The following MYO6 variants were observed in gnomAD, a reference collection of about 807,000 sequenced individuals.
The protein encoded by MYO6 is myosin VI.
In MYO6, 74 loss-of-function variants were observed where a neutral mutation model predicts 178.7. The observed-to-expected ratio is 0.41, with a 90% CI of 0.34 to 0.50. The LOEUF (loss-of-function observed/expected upper bound fraction) is 0.50. Among genes scored for constraint, MYO6 ranks in the 20% least tolerant of loss-of-function variants. MYO6 has a pLI of 0.09. For synonymous variants in MYO6, 477 were observed against 504.6 expected (o/e 0.95, Z 0.73); for missense variants, 1,330 against 1,547.4 (o/e 0.86, Z 2.36).
intron 12 of MYO6, among the ~76,000 whole-genome samples, chr6:75,856,377 G>A (rs2149281006): frequency 6.6e-6 from 1 of 152,170 alleles, no homozygotes; most frequent in South Asian, 2.1e-4. Context: ...TCAAGAAAGG[G>A]TTCCATTGCA....
At chr6:75,815,608 TG>T (rs1405252601) in intron 1 of MYO6, among the ~76,000 whole-genome samples, 1 of 152,234 alleles carries the variant, frequency 6.6e-6, no homozygotes, top group Non-Finnish European at 1.5e-5. Context: ...TTTGTCAACT[TG>T]GAATTGTACA....
At chr6:75,884,403 G>A (rs910281261) in intron 23 of MYO6, among the ~76,000 whole-genome samples, 1 of 152,164 alleles carries the variant, frequency 6.6e-6, no homozygotes, top group South Asian at 2.1e-4. Context: ...TAGAACAAAT[G>A]TTGCCTAAGA....
intron 10 of MYO6, among the ~76,000 whole-genome samples, chr6:75,847,455 A>G (rs1774832910): frequency 6.6e-6 from 1 of 152,012 alleles, no homozygotes; most frequent in Admixed American, 6.6e-5. Context: ...TTCTAGTACA[A>G]TCTTTTCGTG....
At chr6:75,759,738 A>C (rs1777786847) in intron 1 of MYO6, among the ~76,000 whole-genome samples, 1 of 152,252 alleles carries the variant, frequency 6.6e-6, no homozygotes, top group Admixed American at 6.5e-5. Flanking sequence ...ATTGTGATAC[A>C]TCTGCAAAAT....
At chr6:75,796,473 G>T (rs1273579112) in intron 1 of MYO6, among the ~76,000 whole-genome samples, 1 of 151,882 alleles carries the variant, frequency 6.6e-6, no homozygotes, top group Non-Finnish European at 1.5e-5. Context: ...TACATGTACA[G>T]GTTTGTTACA....
At chr6:75,897,250 A>G (rs1335193906) in intron 29 of MYO6, among the ~76,000 whole-genome samples, 2 of 152,244 alleles carry the variant, frequency 1.3e-5, no homozygotes, top group Non-Finnish European at 2.9e-5. Flanking sequence ...AGAATTAAAC[A>G]TACTTATCAA....
At position 75,892,453 on chromosome 6, in the gene MYO6, T is replaced by G. The variant is rs1778972536; in HGVS notation, c.2947-77T>G. ...GTATGGGGGCAGTTATGCTTTCCCTTTATTTTAAGTAATAAGGGGAGTGAT... is the reference window on the plus strand; with the variant it reads ...GTATGGGGGCAGTTATGCTTTCCCTGTATTTTAAGTAATAAGGGGAGTGAT... On this transcript the variant is annotated intron_variant, in intron 27 of 34. Transcript: ENST00000369977. The G allele has an allele frequency of 3.8e-6, 6 of 1,595,054 alleles. No homozygotes were observed. In the East Asian group the frequency reaches 1.1e-4, roughly 30 times the overall value.
chr6:75,820,403 A>G (rs1166220959), intron 2 of MYO6, among the ~76,000 whole-genome samples: 2 of 151,796 alleles, frequency 1.3e-5, no homozygotes, highest in Admixed American at 1.3e-4. Flanking sequence ...GAGTTTTGCT[A>G]TTGTCGCCCA....
At chr6:75,809,914 A>T (rs951897829) in intron 1 of MYO6, among the ~76,000 whole-genome samples, 1 of 149,204 alleles carries the variant, frequency 6.7e-6, no homozygotes, top group Non-Finnish European at 1.5e-5. Flanking sequence ...AAAAAAAAAA[A>T]AACAAAAAAA....
In MYO6 at chr6:75,866,563, T is replaced by A. The variant is rs1562264002; in HGVS notation, c.1712T>A (p.Ile571Asn). ...TCTAAGCTGGCAGTTCATAGGAATA[T>A]CAGAGACGACGAAGGCTTCATTATC... Reference protein sequence around the residue: ...RKSKLAVHRNIRDDEGFIIRH... With the variant: ...RKSKLAVHRNNRDDEGFIIRH... The change falls in exon 17 of 35, where the codon ATC (isoleucine) becomes AAC (asparagine). Residue 571 changes from isoleucine (I) to asparagine (N), a missense_variant. Coordinates refer to ENST00000369977, the MANE Select transcript of MYO6 (RefSeq NM_004999.4). 5.0e-6 allele frequency: 8 copies of A among 1,613,934 alleles called. No individual in the cohort carries two copies. Among genetic ancestry groups the A allele is most frequent in the Non-Finnish European group, 6.8e-6 (8 of 1,179,948 alleles).
intron 3 of MYO6, 25 bp downstream of exon 3, chr6:75,822,876 T>C (rs776751159): frequency 6.4e-7 from 1 of 1,554,836 alleles, no homozygotes; most frequent in Non-Finnish European, 8.9e-7. Context: ...AAAAATTAAC[T>C]CTCCGCACAG....
At chr6:75,908,280 G>A (rs1016295882) in intron 31 of MYO6, among the ~76,000 whole-genome samples, 1 of 152,124 alleles carries the variant, frequency 6.6e-6, no homozygotes, top group Admixed American at 6.6e-5. Flanking sequence ...TGGAGCAGAT[G>A]ATATAAGATA....
In MYO6 at chr6:75,911,651, ACATAAAATATTTGTT is replaced by A; in HGVS notation, c.3413-18_3413-4del. ...TTTTGGCATTTTTATCTTTTCTTCAACATAAAATATTTGTTCACAGATTTTGCACCATTTTTGAAC... is the reference window on the plus strand; with the variant it reads ...TTTTGGCATTTTTATCTTTTCTTCAACACAGATTTTGCACCATTTTTGAAC... On this transcript the variant is annotated splice_polypyrimidine_tract_variant and splice_region_variant and intron_variant, in intron 32 of 34. Transcript: ENST00000369977. 6.2e-7 allele frequency: 1 copy of A among 1,606,266 alleles called. No individual in the cohort carries two copies. The highest frequency in any genetic ancestry group is 8.5e-7 in the Non-Finnish European group (1 of 1,173,320).
chr6:75,787,756 A>G (rs1281473984), intron 1 of MYO6, among the ~76,000 whole-genome samples: 3 of 115,646 alleles, frequency 2.6e-5, no homozygotes, highest in Admixed American at 9.4e-5. Context: ...ATATATATAT[A>G]TATATGTATT....
chr6:75,904,325 TC>T (rs1034016969), intron 30 of MYO6, among the ~76,000 whole-genome samples: 17 of 151,598 alleles, frequency 1.1e-4, no homozygotes, highest in Non-Finnish European at 2.2e-4. Flanking sequence ...CAGAGTGTTT[TC>T]CAACTTGGTT....
chr6:75,762,636 A>G (rs1411671861), intron 1 of MYO6, among the ~76,000 whole-genome samples: 1 of 152,140 alleles, frequency 6.6e-6, no homozygotes, highest in African/African-American at 2.4e-5. Context: ...TGTGATACCC[A>G]CTTCCCTTCT....
intron 23 of MYO6, among the ~76,000 whole-genome samples, chr6:75,885,541 C>T (rs1303337441): frequency 1.3e-5 from 2 of 152,064 alleles, no homozygotes; most frequent in Admixed American, 6.5e-5. Context: ...CTCCGCCTCC[C>T]GGGTTCACGC....
In MYO6 at chr6:75,867,273, A is replaced by G. The variant is rs967499831; in HGVS notation, c.1944+168A>G. 1.2e-4 allele frequency among the ~76,000 whole-genome samples: 19 copies of G among 152,208 alleles called. 1 individual carries two copies. ...AAAATATCATAATGTAGGCCTAGTAATTGAACATACAGAAATGCTTGTAAT... is the reference window on the plus strand; with the variant it reads ...AAAATATCATAATGTAGGCCTAGTAGTTGAACATACAGAAATGCTTGTAAT... On this transcript the variant is annotated intron_variant, in intron 18 of 34. Transcript: ENST00000369977.
chr6:75,765,025 C>T (rs1778286715), intron 1 of MYO6, among the ~76,000 whole-genome samples: 1 of 151,302 alleles, frequency 6.6e-6, no homozygotes, highest in Admixed American at 6.6e-5. Context: ...GAGAGAGAGA[C>T]TTGAAGGTCA....
Sources: allele counts gnomAD v4.1 joint callset (sites outside exome capture counted in the v4.1 genomes callset), GRCh38; gene constraint gnomAD v4.1.1; transcripts MANE v1.5; gene names NCBI Gene and HGNC (gene_info 2026-07-23, HGNC 2026-07-21).